CNTNAP2: variants seen among roughly 807,000 people sequenced by gnomAD.
The protein encoded by CNTNAP2 is contactin-associated protein-like 2.
Under a neutral mutation model 155.2 loss-of-function variants are expected in CNTNAP2, and 98 were observed. The ratio of observed to expected loss-of-function variants is 0.63; its 90% CI spans 0.54 to 0.75. The LOEUF (loss-of-function observed/expected upper bound fraction) is 0.75, where lower values mean the gene tolerates loss of function less well. CNTNAP2 is among the 30% of genes least tolerant of loss of function. The pLI, the probability that CNTNAP2 is intolerant of heterozygous loss-of-function variation, is 0.00. For missense variants in CNTNAP2, 1,727 were observed against 1,688.1 expected, an observed-to-expected ratio of 1.02 and a Z score of -0.40; for synonymous variants, 651 against 631.2, an observed-to-expected ratio of 1.03 and a Z score of -0.47.
chr7:146,273,177 T>C (rs1800110898), intron 1 of CNTNAP2, among the ~76,000 whole-genome samples: 1 of 151,406 alleles, frequency 6.6e-6, no homozygotes, highest in South Asian at 2.1e-4. Flanking sequence ...AATTTCTGCT[T>C]TGGGAAATGT....
At chr7:147,028,475 A>G (rs1798964268) in intron 3 of CNTNAP2, among the ~76,000 whole-genome samples, 1 of 152,178 alleles carries the variant, frequency 6.6e-6, no homozygotes, top group South Asian at 2.1e-4. Flanking sequence ...GTTGAGGCCG[A>G]GAGAGATGTT....
intron 18 of CNTNAP2, among the ~76,000 whole-genome samples, chr7:148,210,845 A>T (rs758945865): frequency 5.9e-5 from 9 of 152,376 alleles, no homozygotes; most frequent in South Asian, 2.1e-4. Flanking sequence ...CAAACAGAAT[A>T]AAAAATTCAG....
intron 1 of CNTNAP2, among the ~76,000 whole-genome samples, chr7:146,707,047 G>A (rs958484681): frequency 3.9e-5 from 6 of 152,070 alleles, no homozygotes; most frequent in Non-Finnish European, 8.8e-5. Flanking sequence ...TAGCCACGTC[G>A]TAAAATCTGC....
At chr7:146,155,731 C>A (rs780293225) in intron 1 of CNTNAP2, among the ~76,000 whole-genome samples, 11 of 150,906 alleles carry the variant, frequency 7.3e-5, no homozygotes, top group Non-Finnish European at 1.2e-4. Flanking sequence ...TGGAGTCTCG[C>A]TCTTGTCGCC....
At chr7:146,855,692 A>G (rs1010008496) in intron 3 of CNTNAP2, among the ~76,000 whole-genome samples, 1 of 151,532 alleles carries the variant, frequency 6.6e-6, no homozygotes, top group Non-Finnish European at 1.5e-5. Flanking sequence ...CAAATGAGTG[A>G]TATGTCAATT....
chr7:148,331,046 G>A (rs2116558640), intron 21 of CNTNAP2, among the ~76,000 whole-genome samples: 1 of 151,158 alleles, frequency 6.6e-6, no homozygotes, highest in Admixed American at 6.6e-5. Flanking sequence ...GGATGGAATG[G>A]ACGGATGGGA....
chr7:147,753,359 G>A (rs1240544194), intron 13 of CNTNAP2, among the ~76,000 whole-genome samples: 1 of 152,128 alleles, frequency 6.6e-6, no homozygotes. Context: ...CTCTTTCTGA[G>A]GCCCTAGTCA....
intron 1 of CNTNAP2, among the ~76,000 whole-genome samples, chr7:146,474,986 AGCACGAGCGC>A (rs1277690321): frequency 6.8e-6 from 1 of 146,614 alleles, no homozygotes; most frequent in Non-Finnish European, 1.5e-5. Context: ...CATATGCCTG[AGCACGAGCGC>A]GCACGCGCGC....
At chr7:147,493,876 T>A (rs1798650392) in intron 11 of CNTNAP2, among the ~76,000 whole-genome samples, 1 of 152,196 alleles carries the variant, frequency 6.6e-6, no homozygotes, top group African/African-American at 2.4e-5. Flanking sequence ...CTGGGTTTGT[T>A]TTTCTAACCA....
intron 3 of CNTNAP2, among the ~76,000 whole-genome samples, chr7:147,042,679 AAAG>A (rs1327028222): frequency 1.5e-4 from 23 of 152,198 alleles, no homozygotes; most frequent in Admixed American, 4.6e-4. Context: ...GTCCTTAGGC[AAAG>A]AAGACAACAT....
intron 3 of CNTNAP2, among the ~76,000 whole-genome samples, chr7:146,936,720 C>G (rs1160966198): frequency 1.3e-5 from 2 of 152,178 alleles, no homozygotes; most frequent in East Asian, 3.9e-4. Flanking sequence ...ATACTTCAAC[C>G]AGTCATAGAC....
At chr7:147,167,008 C>T (rs753838169) in intron 8 of CNTNAP2, among the ~76,000 whole-genome samples, 7 of 151,986 alleles carry the variant, frequency 4.6e-5, no homozygotes, top group African/African-American at 1.2e-4. Context: ...CTAGAATTAC[C>T]CCATCACTGT....
At chr7:146,474,593 C>G (rs17170109) in intron 1 of CNTNAP2, among the ~76,000 whole-genome samples, 11,624 of 151,790 alleles carry the variant, frequency 0.077, 471 homozygotes, top group Non-Finnish European at 0.093. Context: ...CCCAAAGAAT[C>G]ATTATTGATT....
intron 15 of CNTNAP2, among the ~76,000 whole-genome samples, chr7:148,103,195 G>A (rs535396042): frequency 2.8e-4 from 41 of 147,504 alleles, no homozygotes; most frequent in African/African-American, 9.8e-4. Flanking sequence ...CCTTGTGAGG[G>A]AGGTATGTAG....
chr7:146,499,610 G>A (rs1295687633), intron 1 of CNTNAP2, among the ~76,000 whole-genome samples: 1 of 151,480 alleles, frequency 6.6e-6, no homozygotes, highest in East Asian at 1.9e-4. Context: ...ACACCCCGAA[G>A]GCCCTAGTGT....
chr7:147,701,968 A>G (rs926362381), intron 13 of CNTNAP2, among the ~76,000 whole-genome samples: 1 of 150,948 alleles, frequency 6.6e-6, no homozygotes, highest in African/African-American at 2.4e-5. Context: ...TAAGCTTGTT[A>G]TTGAACCTGT....
At chr7:146,372,721 TG>T (rs1453036327) in intron 1 of CNTNAP2, among the ~76,000 whole-genome samples, 3 of 152,158 alleles carry the variant, frequency 2.0e-5, no homozygotes, top group African/African-American at 7.2e-5. Flanking sequence ...TTAGTAGAGT[TG>T]AGGAACATCT....
chr7:147,090,617 G>A (rs1226437443), intron 4 of CNTNAP2, among the ~76,000 whole-genome samples: 1 of 151,870 alleles, frequency 6.6e-6, no homozygotes, highest in African/African-American at 2.4e-5. Flanking sequence ...GCATTATCAA[G>A]CAACTAAGAA....
intron 1 of CNTNAP2, among the ~76,000 whole-genome samples, chr7:146,281,271 A>G (rs755029365): frequency 2.0e-5 from 3 of 152,204 alleles, no homozygotes; most frequent in Non-Finnish European, 4.4e-5. Flanking sequence ...TCCTATAACC[A>G]GAGGTATTTT....
Sources: allele counts gnomAD v4.1 joint callset (sites outside exome capture counted in the v4.1 genomes callset), GRCh38; gene constraint gnomAD v4.1.1; transcripts MANE v1.5; gene names NCBI Gene and HGNC (gene_info 2026-07-23, HGNC 2026-07-21).